The following AGAP1 variants were observed in gnomAD, a reference collection of about 807,000 sequenced individuals.
AGAP1 encodes ArfGAP with GTPase domain, ankyrin repeat and PH domain 1.
In AGAP1, 29 loss-of-function variants were observed where a neutral mutation model predicts 105.3. That is an observed-to-expected ratio of 0.28 (90% CI 0.21 to 0.38). The LOEUF (loss-of-function observed/expected upper bound fraction) is 0.38. Ranked by LOEUF, AGAP1 falls within the 10% of genes least tolerant of loss-of-function variation. AGAP1 has a pLI of 1.00. For missense variants in AGAP1, 998 were observed against 1,165.1 expected (o/e 0.86, Z 2.09); for synonymous variants, 509 against 485.9 (o/e 1.05, Z -0.63).
rs1420258339 is a variant in AGAP1 at position 235,883,418 on chromosome 2, A to G, written c.1124A>G (p.Asn375Ser). 4 of 1,614,146 alleles carry G rather than the reference A, an allele frequency of 2.5e-6. No individual in the cohort carries two copies. In the South Asian group the frequency reaches 3.3e-5, roughly 13 times the overall value. Residue 375 changes from asparagine to serine, a missense_variant, in exon 10 of 18, where the codon AAT becomes AGT. By Grantham distance (46) the Asn-to-Ser change is conservative (BLOSUM62 1). Around this residue, in one of 3 missense-constraint regions of AGAP1, gnomAD observed 735 missense variants for 833.4 expected, o/e 0.88. Coordinates refer to ENST00000304032, the MANE Select transcript of AGAP1 (RefSeq NM_001037131.3). The surrounding 1 kb of genome is among the most constrained non-coding windows in gnomAD (Gnocchi z 4.5). The stretch of plus-strand genomic sequence containing the variant: ...AAGAAATATGTCACCCTGTGTGACA[A>G]TGGCGTGCTGACCTATCATCCCAGT... ...WKKKYVTLCD[N>S]GVLTYHPSLH...
At chr2:235,651,047 G>A (rs894123529) in intron 1 of AGAP1, among the ~76,000 whole-genome samples, 2 of 151,978 alleles carry the variant, frequency 1.3e-5, no homozygotes, top group Non-Finnish European at 2.9e-5. Flanking sequence ...CAGGCATGGT[G>A]GCATGCTCCT....
Position 235,875,538 on chromosome 2 carries a change from T to A in AGAP1, c.1051-7807T>A, listed in dbSNP as rs542578861. Among the ~76,000 whole-genome samples, 1 of 152,306 alleles carries A rather than the reference T, an allele frequency of 6.6e-6. No individual in the cohort carries two copies. Among genetic ancestry groups the A allele is most frequent in the East Asian group, 1.9e-4 (1 of 5,172 alleles). On this transcript the variant is annotated intron_variant, in intron 9 of 17. Transcript: ENST00000304032. This position sits in a 1 kb window ranked among gnomAD's most constrained non-coding sequence, Gnocchi z 4.0. ...TGCTTACTGTGTGTCGGAACACTTGTGCTTTGAAGGCTGCGATTGGACACG... is the reference window on the plus strand; with the variant it reads ...TGCTTACTGTGTGTCGGAACACTTGAGCTTTGAAGGCTGCGATTGGACACG...
intron 6 of AGAP1, among the ~76,000 whole-genome samples, chr2:235,759,191 T>C (rs1431563282): frequency 2.2e-4 from 30 of 136,582 alleles, no homozygotes; most frequent in Admixed American, 1.7e-3. Flanking sequence ...TTTTTTGAGA[T>C]GGAGTCTCGC....
chr2:236,102,171 A>G (rs2059365358), intron 16 of AGAP1, among the ~76,000 whole-genome samples: 1 of 152,064 alleles, frequency 6.6e-6, no homozygotes, highest in South Asian at 2.1e-4. Context: ...TAATCCCAGC[A>G]CTTTGGGAGG....
intron 13 of AGAP1, among the ~76,000 whole-genome samples, chr2:236,029,140 A>C (rs2057144389): frequency 6.6e-6 from 1 of 151,958 alleles, no homozygotes; most frequent in African/African-American, 2.4e-5. Flanking sequence ...TTCCCATGGT[A>C]GACATTGTCA....
At chr2:235,832,834 A>G (rs1418842648) in intron 9 of AGAP1, among the ~76,000 whole-genome samples, 1 of 152,196 alleles carries the variant, frequency 6.6e-6, no homozygotes, top group Non-Finnish European at 1.5e-5. Context: ...GATCCCATGG[A>G]TCAATACCAT....
intron 9 of AGAP1, among the ~76,000 whole-genome samples, chr2:235,810,108 T>C (rs563894481): frequency 6.6e-6 from 1 of 152,266 alleles, no homozygotes; most frequent in East Asian, 1.9e-4. Flanking sequence ...AAGTTACATG[T>C]TTTAAATTAA....
At chr2:235,942,248 G>A (rs2053294572) in intron 12 of AGAP1, among the ~76,000 whole-genome samples, 1 of 152,090 alleles carries the variant, frequency 6.6e-6, no homozygotes, top group African/African-American at 2.4e-5. Context: ...GATTCCCCTG[G>A]TTCCAGGAGT....
Position 235,599,504 on chromosome 2 carries a change from T to A in AGAP1, c.163+104655T>A, listed in dbSNP as rs1472588764. On this transcript the variant is annotated intron_variant, in intron 1 of 17. Transcript: ENST00000304032. This position sits in a 1 kb window ranked among gnomAD's most constrained non-coding sequence, Gnocchi z 5.3. ...AAATGACTGCAAAGCTATCTTACTC[T>A]TTATTCCATAGCCACAAAAATAAGT... 1.3e-5 allele frequency among the ~76,000 whole-genome samples: 2 copies of A among 152,222 alleles called. No homozygotes were observed. The highest frequency in any genetic ancestry group is 4.8e-5 in the African/African-American group (2 of 41,464).
rs1009266933 is a variant in AGAP1, at chr2:235,956,512, GA to G, written c.1484-11939del. ...TCGGCACCAGCTGGCCCTCTGGCAT[GA>G]AAAAAAAAAACTGTTGTAGTGGACA... On this transcript the variant is annotated intron_variant, in intron 12 of 17. Coordinates refer to ENST00000304032, the MANE Select transcript of AGAP1 (RefSeq NM_001037131.3). Among the ~76,000 whole-genome samples the G allele has an allele frequency of 6.8e-4, 100 of 146,216 alleles. 1 individual carries two copies. Among genetic ancestry groups the G allele is most frequent in the Middle Eastern group, 7.1e-3 (2 of 280 alleles).
intron 11 of AGAP1, among the ~76,000 whole-genome samples, chr2:235,921,151 T>C (rs2052163523): frequency 6.6e-6 from 1 of 152,196 alleles, no homozygotes; most frequent in African/African-American, 2.4e-5. Context: ...AAGATGTCCT[T>C]TGCAGTGTTG....
At position 235,559,304 on chromosome 2, in the gene AGAP1, C is replaced by A. The variant is rs905285062; in HGVS notation, c.163+64455C>A. ...AAGGGGTGATTTGGGTGTCCCAAGA[C>A]TGTTTGGAAGGTTGTTCTGACAAGC... On this transcript the variant is annotated intron_variant, in intron 1 of 17. Coordinates refer to ENST00000304032, the MANE Select transcript of AGAP1 (RefSeq NM_001037131.3). This position sits in a 1 kb window ranked among gnomAD's most constrained non-coding sequence, Gnocchi z 5.7. 1.3e-5 allele frequency among the ~76,000 whole-genome samples: 2 copies of A among 152,084 alleles called. No individual in the cohort carries two copies. The highest frequency in any genetic ancestry group is 2.4e-5 in the African/African-American group (1 of 41,410).
intron 6 of AGAP1, among the ~76,000 whole-genome samples, chr2:235,771,686 G>A (rs79391917): frequency 5.6e-4 from 85 of 152,202 alleles, no homozygotes; most frequent in African/African-American, 1.9e-3. Context: ...GCTCATCTGC[G>A]TCAGTTACAT....
At position 236,124,086 on chromosome 2, in the gene AGAP1, GAAC is replaced by G. The variant is rs759771400; in HGVS notation, c.2543_2545del (p.Asn848del). The G allele has an allele frequency of 1.2e-6, 2 of 1,614,090 alleles. No homozygotes were observed. The highest frequency in any genetic ancestry group is 1.7e-5 in the Admixed American group (1 of 60,020). On this transcript the variant is annotated inframe_deletion, in exon 18 of 18. Coordinates refer to ENST00000304032, the MANE Select transcript of AGAP1 (RefSeq NM_001037131.3). The surrounding 1 kb of genome is among the most constrained non-coding windows in gnomAD (Gnocchi z 5.1). ...ACCTGTCCAGGAGAAACAATAACCG[GAAC>G]AACAGCAGTGGGAGGGTGCCCACCA...
At position 235,959,185 on chromosome 2, in the gene AGAP1, C is replaced by T. The variant is rs115879325; in HGVS notation, c.1484-9277C>T. 0.021 allele frequency among the ~76,000 whole-genome samples: 3,175 copies of T among 152,294 alleles called. 113 individuals are homozygous for T. The highest frequency in any genetic ancestry group is 0.072 in the African/African-American group (3,001 of 41,558). On this transcript the variant is annotated intron_variant, in intron 12 of 17. Coordinates refer to ENST00000304032, the MANE Select transcript of AGAP1 (RefSeq NM_001037131.3). This position sits in a 1 kb window ranked among gnomAD's most constrained non-coding sequence, Gnocchi z 7.3. ...CGCCGTCGACAGTAGTCGTCTGTCC[C>T]GGTGCCCGGTAATTGATACAAAATA...
Position 235,789,312 on chromosome 2 carries a change from A to G in AGAP1, c.674-8447A>G, listed in dbSNP as rs948978769. Among the ~76,000 whole-genome samples, 9 of 152,226 alleles carry G rather than the reference A, an allele frequency of 5.9e-5. No individual in the cohort carries two copies. The highest frequency in any genetic ancestry group is 2.2e-4 in the African/African-American group (9 of 41,462). ...CTAAAATTCTGAAATTAACGTCAGC[A>G]GCCTTGACTTTGCTCTGTCCTGAAG... On this transcript the variant is annotated intron_variant, in intron 6 of 17. Coordinates refer to ENST00000304032, the MANE Select transcript of AGAP1 (RefSeq NM_001037131.3). The surrounding 1 kb of genome is among the most constrained non-coding windows in gnomAD (Gnocchi z 4.2).
At chr2:236,015,332 T>G (rs1288513036) in intron 13 of AGAP1, among the ~76,000 whole-genome samples, 2 of 152,180 alleles carry the variant, frequency 1.3e-5, no homozygotes, top group Non-Finnish European at 2.9e-5. Context: ...TCCATAATGC[T>G]CTCTGCAGCT....
At chr2:235,699,426 C>T (rs1335933569) in intron 1 of AGAP1, among the ~76,000 whole-genome samples, 7 of 152,150 alleles carry the variant, frequency 4.6e-5, no homozygotes, top group Non-Finnish European at 8.8e-5. Flanking sequence ...TTGGAGCTCA[C>T]TATATACTAG....
At chr2:236,065,652 A>T (rs541440458) in intron 16 of AGAP1, among the ~76,000 whole-genome samples, 1 of 152,346 alleles carries the variant, frequency 6.6e-6, no homozygotes, top group Admixed American at 6.5e-5. Flanking sequence ...CTGCTTCCTA[A>T]GGCAAGCGAG....
Sources: gnomAD v4.1 joint callset for allele counts (sites outside exome capture counted in the v4.1 genomes callset) on GRCh38, gnomAD v4.1.1 for gene constraint, gnomAD v4.1.1 regional missense constraint, Gnocchi (gnomAD v3.1) non-coding constraint, MANE v1.5 for transcripts, NCBI Gene and HGNC (gene_info 2026-07-23, HGNC 2026-07-21) for gene names.